The following COL5A2 variants were observed in gnomAD, a reference collection of about 807,000 sequenced individuals.
The protein encoded by COL5A2 is collagen type V alpha 2 chain.
A neutral mutation model predicts 208.2 loss-of-function variants in COL5A2; 23 were observed. That is an observed-to-expected ratio of 0.11 (90% CI 0.08 to 0.16). The LOEUF is 0.16. COL5A2 is among the 10% of genes least tolerant of loss of function. The pLI is 1.00. For synonymous variants in COL5A2, 625 were observed against 628.5 expected, an observed-to-expected ratio of 0.99 and a Z score of 0.08; for missense variants, 1,590 against 1,956.4, an observed-to-expected ratio of 0.81 and a Z score of 3.53.
chr2:189,036,716 G>A lies in COL5A2; in HGVS notation c.4013C>T (p.Ser1338Leu), dbSNP rs1685450882. Residue 1338 changes from serine (S) to leucine (L), a missense_variant, in exon 52 of 54, where the codon TCA (serine) becomes TTA (leucine). Coordinates refer to ENST00000374866, the MANE Select transcript of COL5A2 (RefSeq NM_000393.5). The stretch of plus-strand genomic sequence containing the variant: ...ACGTGGTACACTGGATGGGTTTGCT[G>A]AAATACATGTTTCTCCTGTTTCCAT... ...CNMETGETCI[S>L]ANPSSVPRKT... 4 of 1,613,586 alleles carry A rather than the reference G, an allele frequency of 2.5e-6. No homozygotes were observed. Among genetic ancestry groups the A allele is most frequent in the African/African-American group, 1.3e-5 (1 of 74,914 alleles).
intron 47 of COL5A2, 94 bp downstream of exon 47, chr2:189,045,085 C>CAT: frequency 1.3e-6 from 1 of 791,532 alleles, no homozygotes; most frequent in Non-Finnish European, 1.9e-6. Flanking sequence ...TGAGGAATTT[C>CAT]ATATTTTTCA....
At chr2:189,293,746 C>T in the COL5A2 span, among the ~76,000 whole-genome samples, 2 of 152,162 alleles carry the variant, frequency 1.3e-5, no homozygotes, top group African/African-American at 2.4e-5. Flanking sequence ...TTTTCTTAGA[C>T]TTCCCAGCCT....
chr2:189,319,631 A>G, the COL5A2 span, among the ~76,000 whole-genome samples: 2 of 152,082 alleles, frequency 1.3e-5, no homozygotes, highest in Non-Finnish European at 2.9e-5. Flanking sequence ...GGCGCCCGCC[A>G]TTGCTGAGGC....
At chr2:189,368,875 A>C in the COL5A2 span, among the ~76,000 whole-genome samples, 6 of 152,274 alleles carry the variant, frequency 3.9e-5, no homozygotes, top group South Asian at 1.2e-3. Context: ...CGGCCTATTC[A>C]GGTGATCATA....
At chr2:189,319,551 C>A in the COL5A2 span, among the ~76,000 whole-genome samples, 2 of 152,224 alleles carry the variant, frequency 1.3e-5, no homozygotes, top group African/African-American at 4.8e-5. Flanking sequence ...CCCACGCCCA[C>A]GGAGCCTTGC....
the COL5A2 span, among the ~76,000 whole-genome samples, chr2:189,404,823 T>C: frequency 6.6e-6 from 1 of 152,346 alleles, no homozygotes; most frequent in South Asian, 2.1e-4. Context: ...TCCATGTTGT[T>C]GCATGTATGA....
chr2:189,034,538 A>C (rs921968999), intron 53 of COL5A2, among the ~76,000 whole-genome samples: 5 of 152,046 alleles, frequency 3.3e-5, no homozygotes, highest in African/African-American at 1.2e-4. Context: ...CTCAATATGC[A>C]AGCGGGGAGA....
At chr2:189,354,594 A>G in the COL5A2 span, among the ~76,000 whole-genome samples, 8 of 152,144 alleles carry the variant, frequency 5.3e-5, no homozygotes, top group Non-Finnish European at 2.9e-5. Flanking sequence ...CTCTGACGGT[A>G]GTTTGTATTT....
chr2:189,212,507 T>C (rs1689226499), intron 1 of COL5A2, among the ~76,000 whole-genome samples: 1 of 151,548 alleles, frequency 6.6e-6, no homozygotes, highest in East Asian at 2.0e-4. Flanking sequence ...GGCGTGGTGG[T>C]GGGCGCCTGT....
At chr2:189,143,781 G>A (rs922189953) in intron 1 of COL5A2, among the ~76,000 whole-genome samples, 12 of 152,084 alleles carry the variant, frequency 7.9e-5, no homozygotes, top group East Asian at 1.9e-4. Flanking sequence ...CTTCACAGGG[G>A]AAACAGGTCT....
At chr2:189,259,489 G>A in the COL5A2 span, among the ~76,000 whole-genome samples, 68 of 152,222 alleles carry the variant, frequency 4.5e-4, 1 homozygote, top group African/African-American at 1.5e-3. Context: ...CCTTTTGTAA[G>A]TTTAGGGAAT....
the COL5A2 span, among the ~76,000 whole-genome samples, chr2:189,398,658 T>C: frequency 2.0e-5 from 3 of 152,320 alleles, no homozygotes; most frequent in Admixed American, 6.5e-5. Flanking sequence ...ACTGTGCTTA[T>C]ATTTAACCTC....
the COL5A2 span, among the ~76,000 whole-genome samples, chr2:189,295,497 C>A: frequency 3.7e-4 from 57 of 152,290 alleles, no homozygotes; most frequent in Admixed American, 1.4e-3. Context: ...TGCCTGTAAT[C>A]TCAGCTACTT....
rs112739705 is a variant in COL5A2, at chr2:189,034,024, G to A, written c.*46C>T. 10 of 1,612,796 alleles carry A rather than the reference G, an allele frequency of 6.2e-6. No homozygotes were observed. Among genetic ancestry groups the A allele is most frequent in the Non-Finnish European group, 8.5e-6 (10 of 1,179,304 alleles). On this transcript the variant is annotated 3_prime_UTR_variant, in exon 54 of 54. Transcript: ENST00000374866. ...ACAGTCAAAGTTCTTGTGAATGGCGGTGGTCATTGATGGTGGTGCTCATTG... is the reference window on the plus strand; with the variant it reads ...ACAGTCAAAGTTCTTGTGAATGGCGATGGTCATTGATGGTGGTGCTCATTG...
At chr2:189,197,083 C>T (rs910077599) in intron 1 of COL5A2, among the ~76,000 whole-genome samples, 4 of 152,148 alleles carry the variant, frequency 2.6e-5, no homozygotes, top group Non-Finnish European at 5.9e-5. Flanking sequence ...GATACATATA[C>T]ACCATAGAAT....
chr2:189,113,288 G>T (rs1687318352), intron 1 of COL5A2, among the ~76,000 whole-genome samples: 1 of 152,066 alleles, frequency 6.6e-6, no homozygotes, highest in Non-Finnish European at 1.5e-5. Flanking sequence ...AGTTAGCCAG[G>T]CACAGTGGCT....
At chr2:189,101,879 C>T (rs1687052269) in intron 3 of COL5A2, among the ~76,000 whole-genome samples, 1 of 152,050 alleles carries the variant, frequency 6.6e-6, no homozygotes, top group African/African-American at 2.4e-5. Flanking sequence ...CTACACAAAG[C>T]CTAGGACAAG....
At chr2:189,358,026 T>C in the COL5A2 span, among the ~76,000 whole-genome samples, 1 of 152,086 alleles carries the variant, frequency 6.6e-6, no homozygotes, top group Non-Finnish European at 1.5e-5. Context: ...CACCCCACCC[T>C]GCTTCAGCTC....
the COL5A2 span, among the ~76,000 whole-genome samples, chr2:189,300,413 T>C: frequency 6.6e-6 from 1 of 152,222 alleles, no homozygotes; most frequent in Non-Finnish European, 1.5e-5. Flanking sequence ...CATCTATATT[T>C]TCTTCACTGT....
Sources: allele counts gnomAD v4.1 joint callset (sites outside exome capture counted in the v4.1 genomes callset), GRCh38; gene constraint gnomAD v4.1.1; transcripts MANE v1.5; gene names NCBI Gene and HGNC (gene_info 2026-07-23, HGNC 2026-07-21).